METTL24: variants seen among roughly 807,000 people sequenced by gnomAD.
The protein encoded by METTL24 is probable methyltransferase-like protein 24.
A neutral mutation model predicts 32.7 loss-of-function variants in METTL24; 29 were observed. That is an observed-to-expected ratio of 0.89 (90% CI 0.66 to 1.21). The LOEUF is 1.21. Ranked by LOEUF, METTL24 falls within the 50% of genes most tolerant of loss-of-function variation. The probability of loss-of-function intolerance (pLI) is 0.00; values close to 1 mark genes in which losing one functional copy is unlikely to be tolerated. For synonymous variants in METTL24, 163 were observed against 179.5 expected (o/e 0.91, Z 0.73); for missense variants, 439 against 468.1 (o/e 0.94, Z 0.57).
intron 1 of METTL24, among the ~76,000 whole-genome samples, chr6:110,331,248 G>GT: frequency 6.6e-6 from 1 of 152,244 alleles, no homozygotes; most frequent in East Asian, 1.9e-4. Flanking sequence ...AATTATTGTG[G>GT]GCAGGGGGGA....
chr6:110,298,548 C>T (rs1771461922), intron 4 of METTL24, among the ~76,000 whole-genome samples: 1 of 138,014 alleles, frequency 7.2e-6, no homozygotes, highest in Admixed American at 6.7e-5. Flanking sequence ...AAACATAACC[C>T]CGATTTTTTT....
At chr6:110,280,485 C>A (rs1421535570) in intron 4 of METTL24, among the ~76,000 whole-genome samples, 1 of 151,914 alleles carries the variant, frequency 6.6e-6, no homozygotes, top group East Asian at 1.9e-4. Flanking sequence ...CTATTACAAA[C>A]AATGTTGCAA....
At chr6:110,301,382 T>C (rs1771514554) in intron 3 of METTL24, among the ~76,000 whole-genome samples, 1 of 152,160 alleles carries the variant, frequency 6.6e-6, no homozygotes, top group Non-Finnish European at 1.5e-5. Flanking sequence ...TACTCCATGC[T>C]CATGATGAGA....
At chr6:110,305,422 T>C (rs1023511196) in intron 3 of METTL24, among the ~76,000 whole-genome samples, 1 of 151,990 alleles carries the variant, frequency 6.6e-6, no homozygotes, top group Non-Finnish European at 1.5e-5. Flanking sequence ...ATTTGCAATC[T>C]ATCCATCTGA....
intron 3 of METTL24, among the ~76,000 whole-genome samples, chr6:110,313,308 ATGCT>A (rs1172689584): frequency 5.9e-5 from 9 of 152,256 alleles, no homozygotes; most frequent in African/African-American, 2.2e-4. Context: ...ATTACTATGC[ATGCT>A]ACGCATGTAA....
intron 4 of METTL24, among the ~76,000 whole-genome samples, chr6:110,258,789 T>TACACACAC (rs146964745): frequency 1.6e-4 from 23 of 145,802 alleles, no homozygotes; most frequent in African/African-American, 5.0e-4. Flanking sequence ...TAGATGCATT[T>TACACACAC]ACACACACAC....
intron 4 of METTL24, among the ~76,000 whole-genome samples, chr6:110,279,298 T>C (rs907145628): frequency 2.6e-5 from 4 of 152,178 alleles, no homozygotes; most frequent in African/African-American, 9.7e-5. Context: ...AGATAAATAG[T>C]GTATCAAAGA....
intron 3 of METTL24, among the ~76,000 whole-genome samples, chr6:110,300,462 C>G (rs1351883683): frequency 1.3e-5 from 2 of 149,856 alleles, no homozygotes; most frequent in East Asian, 3.9e-4. Flanking sequence ...GCTCCATCAC[C>G]CAGGCCGGAG....
chr6:110,308,884 A>C (rs1041099691), intron 3 of METTL24, among the ~76,000 whole-genome samples: 4 of 152,168 alleles, frequency 2.6e-5, no homozygotes, highest in African/African-American at 9.7e-5. Context: ...TTTATGTGAA[A>C]TGTCCAGAAT....
chr6:110,295,114 C>T (rs1771390245), intron 4 of METTL24, among the ~76,000 whole-genome samples: 1 of 149,570 alleles, frequency 6.7e-6, no homozygotes, highest in African/African-American at 2.5e-5. Context: ...CCTCCACCTC[C>T]TGGACTCAGT....
At chr6:110,313,978 T>TA in intron 3 of METTL24, among the ~76,000 whole-genome samples, 1 of 152,254 alleles carries the variant, frequency 6.6e-6, no homozygotes, top group East Asian at 1.9e-4. Context: ...TTTGTTTTTT[T>TA]AAAGAATAAA....
At chr6:110,324,228 T>C (rs1771980702) in intron 1 of METTL24, among the ~76,000 whole-genome samples, 2 of 152,324 alleles carry the variant, frequency 1.3e-5, no homozygotes, top group Admixed American at 1.3e-4. Context: ...TTTGGCATTA[T>C]TAGACACACA....
chr6:110,297,163 A>G (rs966868252), intron 4 of METTL24, among the ~76,000 whole-genome samples: 2 of 152,198 alleles, frequency 1.3e-5, no homozygotes, highest in African/African-American at 4.8e-5. Flanking sequence ...TAGAAACATA[A>G]GCATTTCTCC....
rs1251669553 is a variant in METTL24 at position 110,245,170 on chromosome 6, C to A, written c.*776G>T. ...ATCAGTAGACTAAATAAATCAGATT[C>A]TTCACCTCAGTGTAAGTGGACCTCA... On this transcript the variant is annotated 3_prime_UTR_variant, in exon 5 of 5. Transcript: ENST00000338882. Among the ~76,000 whole-genome samples the A allele has an allele frequency of 6.6e-6, 1 of 152,176 alleles. No homozygotes were observed. Among genetic ancestry groups the A allele is most frequent in the African/African-American group, 2.4e-5 (1 of 41,440 alleles).
intron 2 of METTL24, among the ~76,000 whole-genome samples, chr6:110,320,221 T>C (rs1276456395): frequency 6.6e-6 from 1 of 152,216 alleles, no homozygotes; most frequent in Non-Finnish European, 1.5e-5. Context: ...GGATTTTGCA[T>C]TAGTACCTTC....
At chr6:110,299,811 T>G (rs780266026) in intron 3 of METTL24, among the ~76,000 whole-genome samples, 29 of 152,092 alleles carry the variant, frequency 1.9e-4, no homozygotes, top group Admixed American at 1.2e-3. Context: ...ATAATAAACT[T>G]CCAAATATTG....
At chr6:110,345,167 TG>T (rs1396476975) in intron 1 of METTL24, among the ~76,000 whole-genome samples, 1 of 151,730 alleles carries the variant, frequency 6.6e-6, no homozygotes, top group African/African-American at 2.4e-5. Context: ...AGCAAGCATA[TG>T]AAAAAAAAAT....
chr6:110,357,848 C>T (rs1207154237), intron 1 of METTL24, 107 bp downstream of exon 1: 5 of 472,072 alleles, frequency 1.1e-5, no homozygotes, highest in Non-Finnish European at 1.5e-5. Flanking sequence ...CGGAAGCCTC[C>T]GGAGGTCCCA....
At chr6:110,342,453 C>T (rs17569318) in intron 1 of METTL24, among the ~76,000 whole-genome samples, 13,361 of 152,232 alleles carry the variant, frequency 0.088, 629 homozygotes, top group Non-Finnish European at 0.1. Flanking sequence ...TCCCAGGGTA[C>T]GCTCACAGTT....
Sources: gnomAD v4.1 joint callset for allele counts (sites outside exome capture counted in the v4.1 genomes callset) on GRCh38, gnomAD v4.1.1 for gene constraint, MANE v1.5 for transcripts, NCBI Gene and HGNC (gene_info 2026-07-23, HGNC 2026-07-21) for gene names.